Variants in MALRD1 observed in about 807,000 individuals in gnomAD.
The protein encoded by MALRD1 is MAM and LDL receptor class A domain containing 1.
MALRD1 carries 247 observed loss-of-function variants against 242.1 expected under a neutral mutation model. The ratio of observed to expected loss-of-function variants is 1.02; its 90% CI spans 0.92 to 1.13. The LOEUF is 1.13. Among genes scored for constraint, MALRD1 ranks in the 50% most tolerant of loss-of-function variants. The pLI is 0.00. For missense variants in MALRD1, 2,989 were observed against 2,533.1 expected, an observed-to-expected ratio of 1.18 and a Z score of -3.86; for synonymous variants, 995 against 866.6, an observed-to-expected ratio of 1.15 and a Z score of -2.60.
At chr10:19,276,699 G>C (rs748699363) in intron 19 of MALRD1, among the ~76,000 whole-genome samples, 1 of 151,774 alleles carries the variant, frequency 6.6e-6, no homozygotes, top group South Asian at 2.1e-4. Flanking sequence ...CGTTGGATCC[G>C]TCAGATTTCT....
At chr10:19,660,086 A>G (rs977673362) in intron 36 of MALRD1, among the ~76,000 whole-genome samples, 2 of 152,150 alleles carry the variant, frequency 1.3e-5, no homozygotes. Flanking sequence ...CACTGAAAGG[A>G]CATAGAGAGA....
intron 28 of MALRD1, among the ~76,000 whole-genome samples, chr10:19,425,226 T>C (rs927074521): frequency 6.6e-6 from 1 of 152,186 alleles, no homozygotes; most frequent in Non-Finnish European, 1.5e-5. Flanking sequence ...TAAAAATTCG[T>C]CTTTTCCTTA....
intron 38 of MALRD1, among the ~76,000 whole-genome samples, chr10:19,719,240 A>ATATATATG (rs1834618200): frequency 7.7e-6 from 1 of 130,258 alleles, no homozygotes; most frequent in Admixed American, 8.1e-5. Context: ...ATATATATAT[A>ATATATATG]TATATATATA....
intron 19 of MALRD1, among the ~76,000 whole-genome samples, chr10:19,264,525 C>T (rs1224735431): frequency 6.6e-6 from 1 of 150,406 alleles, no homozygotes. Context: ...ATGATCCCTG[C>T]TCACTGCAAG....
At chr10:19,421,852 G>A (rs1415395481) in intron 28 of MALRD1, among the ~76,000 whole-genome samples, 1 of 152,218 alleles carries the variant, frequency 6.6e-6, no homozygotes, top group Non-Finnish European at 1.5e-5. Context: ...GACATGTTGA[G>A]AGTTTGGCTT....
intron 31 of MALRD1, among the ~76,000 whole-genome samples, chr10:19,529,853 G>A (rs919860447): frequency 4.0e-5 from 6 of 151,814 alleles, no homozygotes; most frequent in African/African-American, 1.5e-4. Flanking sequence ...AAGATTACAG[G>A]AATAAAAAGA....
intron 21 of MALRD1, among the ~76,000 whole-genome samples, chr10:19,286,640 T>A (rs1841134629): frequency 6.6e-6 from 1 of 151,830 alleles, no homozygotes; most frequent in Non-Finnish European, 1.5e-5. Context: ...AATCTCTGAA[T>A]AGACCAATAA....
At chr10:19,445,180 T>C (rs1834898353) in intron 28 of MALRD1, among the ~76,000 whole-genome samples, 1 of 152,150 alleles carries the variant, frequency 6.6e-6, no homozygotes, top group African/African-American at 2.4e-5. Context: ...GTCTTATTTA[T>C]GCTGTTTTTT....
chr10:19,436,778 T>A (rs1186033554), intron 28 of MALRD1, among the ~76,000 whole-genome samples: 1 of 152,216 alleles, frequency 6.6e-6, no homozygotes, highest in Admixed American at 6.6e-5. Flanking sequence ...ATGATCTTTT[T>A]AAATGGCTTA....
At chr10:19,218,756 C>A (rs1024969276) in intron 18 of MALRD1, among the ~76,000 whole-genome samples, 9 of 152,062 alleles carry the variant, frequency 5.9e-5, no homozygotes, top group African/African-American at 2.2e-4. Context: ...ACACAGTGAT[C>A]TTGACACTGT....
intron 1 of MALRD1, among the ~76,000 whole-genome samples, chr10:19,056,910 T>A (rs911702855): frequency 5.9e-5 from 9 of 152,204 alleles, no homozygotes; most frequent in African/African-American, 1.9e-4. Context: ...AAATGCTTTC[T>A]CCGAATCTAT....
intron 38 of MALRD1, chr10:19,710,335 A>AAAAGT (rs1448213738): frequency 6.6e-6 from 1 of 152,188 alleles, no homozygotes; most frequent in East Asian, 1.9e-4. Flanking sequence ...CCCTTTTTAA[A>AAAAGT]AAAGTAATAA....
chr10:19,279,219 A>C (rs1029811908), intron 19 of MALRD1, among the ~76,000 whole-genome samples: 1 of 152,164 alleles, frequency 6.6e-6, no homozygotes, highest in African/African-American at 2.4e-5. Context: ...GGAACACAAA[A>C]AGGTTGACTT....
At chr10:19,386,718 A>ATG (rs1491006068) in intron 26 of MALRD1, among the ~76,000 whole-genome samples, 1 of 47,806 alleles carries the variant, frequency 2.1e-5, no homozygotes, top group African/African-American at 1.0e-4. Context: ...ATACATATAC[A>ATG]TATACACACA....
chr10:19,443,592 C>A (rs1050321373), intron 28 of MALRD1, among the ~76,000 whole-genome samples: 6 of 152,176 alleles, frequency 3.9e-5, no homozygotes, highest in African/African-American at 1.4e-4. Context: ...AGTAGTCATT[C>A]AGGAGCAGGT....
chr10:19,625,831 C>G (rs888510032), intron 36 of MALRD1, among the ~76,000 whole-genome samples: 1 of 152,144 alleles, frequency 6.6e-6, no homozygotes, highest in African/African-American at 2.4e-5. Flanking sequence ...TCAGCTAAAT[C>G]ATCTCCGTAG....
chr10:19,067,424 A>T (rs11008334), intron 2 of MALRD1, among the ~76,000 whole-genome samples: 33,209 of 152,012 alleles, frequency 0.22, 4,272 homozygotes, highest in Non-Finnish European at 0.3. Flanking sequence ...AACGGATTCC[A>T]TGCCTGCCCT....
At chr10:19,101,130 T>C (rs1354658519) in intron 4 of MALRD1, among the ~76,000 whole-genome samples, 2 of 151,490 alleles carry the variant, frequency 1.3e-5, no homozygotes, top group Non-Finnish European at 2.9e-5. Context: ...TATCATTTTA[T>C]CATTACATTG....
At chr10:19,198,174 C>G (rs1422894587) in intron 14 of MALRD1, among the ~76,000 whole-genome samples, 1 of 152,140 alleles carries the variant, frequency 6.6e-6, no homozygotes, top group Non-Finnish European at 1.5e-5. Context: ...TTTTACCTGA[C>G]TGATAAGGAA....
Sources: allele counts gnomAD v4.1 joint callset (sites outside exome capture counted in the v4.1 genomes callset), GRCh38; gene constraint gnomAD v4.1.1; transcripts MANE v1.5; gene names NCBI Gene and HGNC (gene_info 2026-07-23, HGNC 2026-07-21).